The following ARHGAP42 variants were observed in gnomAD, a reference collection of about 807,000 sequenced individuals.
ARHGAP42 encodes rho GTPase-activating protein 42.
A neutral mutation model predicts 125.0 loss-of-function variants in ARHGAP42; 63 were observed. The observed-to-expected ratio is 0.50, with a 90% confidence interval of 0.41 to 0.62. The LOEUF (loss-of-function observed/expected upper bound fraction) is 0.62, where lower values mean the gene tolerates loss of function less well. Among genes scored for constraint, ARHGAP42 ranks in the 20% least tolerant of loss-of-function variants. The pLI is 0.00. For synonymous variants in ARHGAP42, 339 were observed against 351.0 expected, an observed-to-expected ratio of 0.97 and a Z score of 0.38; for missense variants, 766 against 1,024.2, an observed-to-expected ratio of 0.75 and a Z score of 3.44.
Position 100,991,982 on chromosome 11 carries a change from A to C in ARHGAP42, c.*3181A>C, listed in dbSNP as rs1858841940. ...AGCTTTATATAATGTGGCATCCTTCATAAAAATTCACTATGTTGTGAGGCA... is the reference window on the plus strand; with the variant it reads ...AGCTTTATATAATGTGGCATCCTTCCTAAAAATTCACTATGTTGTGAGGCA... On this transcript the variant is annotated 3_prime_UTR_variant, in exon 24 of 24. Coordinates refer to ENST00000298815, the MANE Select transcript of ARHGAP42 (RefSeq NM_152432.4). 1 of 250,462 alleles carries C rather than the reference A, an allele frequency of 4.0e-6. No homozygotes were observed. Among genetic ancestry groups the C allele is most frequent in the African/African-American group, 2.2e-5 (1 of 45,120 alleles). 15.5% of individuals were successfully genotyped at this position (250,462 alleles called of 1,614,324 possible). A position where few individuals can be genotyped will look rare whatever the true frequency, so the allele number is the denominator to read the frequency against.
intron 1 of ARHGAP42, among the ~76,000 whole-genome samples, chr11:100,729,914 G>C (rs964975970): frequency 6.6e-6 from 1 of 150,730 alleles, no homozygotes; most frequent in Non-Finnish European, 1.5e-5. Flanking sequence ...AAGTTTAAGC[G>C]ATTCTCCTGC....
At chr11:100,707,679 G>A (rs1591119081) in intron 1 of ARHGAP42, among the ~76,000 whole-genome samples, 2 of 152,190 alleles carry the variant, frequency 1.3e-5, no homozygotes, top group African/African-American at 2.4e-5. Flanking sequence ...ACATTTACTC[G>A]CATATTCATT....
chr11:100,974,421 C>T, intron 18 of ARHGAP42, 38 bp from the exon 19 acceptor site: 1 of 1,538,254 alleles, frequency 6.5e-7, no homozygotes. Context: ...GGCAATATCA[C>T]CCTTTTATTG....
intron 12 of ARHGAP42, among the ~76,000 whole-genome samples, chr11:100,958,641 G>A (rs1306912404): frequency 2.7e-5 from 3 of 109,734 alleles, no homozygotes; most frequent in Non-Finnish European, 5.9e-5. Flanking sequence ...CTCCTTACCA[G>A]TAGTTTGCAT....
At chr11:100,695,162 C>T (rs1861254672) in intron 1 of ARHGAP42, among the ~76,000 whole-genome samples, 1 of 152,206 alleles carries the variant, frequency 6.6e-6, no homozygotes, top group Admixed American at 6.5e-5. Flanking sequence ...TAGCAACTTA[C>T]ATAACATTTG....
At chr11:100,956,496 G>C (rs1015824589) in intron 12 of ARHGAP42, among the ~76,000 whole-genome samples, 5 of 152,132 alleles carry the variant, frequency 3.3e-5, no homozygotes, top group African/African-American at 1.2e-4. Context: ...GCCACATACT[G>C]GCTCTTAGTG....
At chr11:100,824,960 A>G (rs973620388) in intron 3 of ARHGAP42, among the ~76,000 whole-genome samples, 5 of 152,212 alleles carry the variant, frequency 3.3e-5, no homozygotes, top group African/African-American at 1.2e-4. Flanking sequence ...TTATGAGTGA[A>G]TGTTTTTATA....
intron 2 of ARHGAP42, among the ~76,000 whole-genome samples, chr11:100,780,824 C>T (rs1052997763): frequency 6.6e-6 from 1 of 152,152 alleles, no homozygotes; most frequent in African/African-American, 2.4e-5. Context: ...CAACCAAAGA[C>T]GTGAAGTCAC....
chr11:100,884,680 C>CT (rs1866043710), intron 4 of ARHGAP42, among the ~76,000 whole-genome samples: 1 of 152,038 alleles, frequency 6.6e-6, no homozygotes, highest in Non-Finnish European at 1.5e-5. Flanking sequence ...CCTCCGTGTC[C>CT]CCCCAACCCC....
At chr11:100,932,347 T>A (rs1369509151) in intron 6 of ARHGAP42, among the ~76,000 whole-genome samples, 1 of 152,180 alleles carries the variant, frequency 6.6e-6, no homozygotes, top group Non-Finnish European at 1.5e-5. Context: ...GAAGAGGTTG[T>A]GGGAAAGATT....
chr11:100,976,045 C>G lies in ARHGAP42; in HGVS notation c.1856-12C>G. On this transcript the variant is annotated splice_polypyrimidine_tract_variant and intron_variant, in intron 19 of 23. Coordinates refer to ENST00000298815, the MANE Select transcript of ARHGAP42 (RefSeq NM_152432.4). ...TACAGTTGCTTTCATCTCTCTCCCTCCTACTCCTTAGGTGACTCCTATAGC... is the reference window on the plus strand; with the variant it reads ...TACAGTTGCTTTCATCTCTCTCCCTGCTACTCCTTAGGTGACTCCTATAGC... 6.7e-7 allele frequency: 1 copy of G among 1,490,368 alleles called. No individual in the cohort carries two copies. 92.3% of individuals were successfully genotyped at this position (1,490,368 alleles called of 1,614,324 possible). A position where few individuals can be genotyped will look rare whatever the true frequency, so the allele number is the denominator to read the frequency against.
chr11:100,766,072 T>A (rs994138451), intron 1 of ARHGAP42, among the ~76,000 whole-genome samples: 1 of 152,222 alleles, frequency 6.6e-6, no homozygotes, highest in Non-Finnish European at 1.5e-5. Context: ...ATTAGCATCA[T>A]CTAATCATGG....
At chr11:100,738,454 A>C (rs192808376) in intron 1 of ARHGAP42, 1 of 152,318 alleles carries the variant, frequency 6.6e-6, no homozygotes, top group East Asian at 1.9e-4. Flanking sequence ...TTTTAGATTT[A>C]AAAGAGTATC....
chr11:100,717,626 G>T (rs1313887641), intron 1 of ARHGAP42, among the ~76,000 whole-genome samples: 1 of 123,180 alleles, frequency 8.1e-6, no homozygotes, highest in Admixed American at 9.8e-5. Context: ...GACAGAGCGA[G>T]ACTCCGTCTC....
chr11:100,914,293 A>G (rs1360591236), intron 5 of ARHGAP42, among the ~76,000 whole-genome samples: 1 of 151,328 alleles, frequency 6.6e-6, no homozygotes, highest in East Asian at 2.0e-4. Flanking sequence ...CAAATGAATA[A>G]ATATTTTGCT....
intron 1 of ARHGAP42, among the ~76,000 whole-genome samples, chr11:100,740,462 G>A (rs1050758139): frequency 6.6e-6 from 1 of 152,198 alleles, no homozygotes; most frequent in South Asian, 2.1e-4. Flanking sequence ...AGGAACAAAA[G>A]CTAGTCAGTC....
chr11:100,871,557 A>G lies in ARHGAP42; in HGVS notation c.384+11932A>G, dbSNP rs530244023. Among the ~76,000 whole-genome samples, 11 of 151,586 alleles carry G rather than the reference A, an allele frequency of 7.3e-5. No homozygotes were observed. The South Asian group carries it at 1.0e-3, about 14-fold the overall frequency. On this transcript the variant is annotated intron_variant, in intron 4 of 23. Transcript: ENST00000298815. The stretch of plus-strand genomic sequence containing the variant: ...GGAGACTGTTTCTTAAAAAAAAAAA[A>G]AAAAGAAAAAAGAAAAAAAGCCTGT...
intron 3 of ARHGAP42, among the ~76,000 whole-genome samples, chr11:100,801,761 TCA>T (rs1487971452): frequency 1.3e-5 from 2 of 152,208 alleles, no homozygotes; most frequent in Non-Finnish European, 2.9e-5. Flanking sequence ...CTCATACATC[TCA>T]CACACCTTCC....
At chr11:100,915,764 A>T (rs1867045320) in intron 5 of ARHGAP42, among the ~76,000 whole-genome samples, 1 of 152,124 alleles carries the variant, frequency 6.6e-6, no homozygotes, top group African/African-American at 2.4e-5. Context: ...TTTCCAGGAG[A>T]TACATCTTAG....
Sources: allele counts gnomAD v4.1 joint callset (sites outside exome capture counted in the v4.1 genomes callset), GRCh38; gene constraint gnomAD v4.1.1; transcripts MANE v1.5; gene names NCBI Gene and HGNC (gene_info 2026-07-23, HGNC 2026-07-21).